FRYL: variants seen among roughly 807,000 people sequenced by gnomAD.
The protein encoded by FRYL is FRY like transcription coactivator.
A neutral mutation model predicts 351.2 loss-of-function variants in FRYL; 150 were observed. The observed-to-expected ratio is 0.43, with a 90% CI of 0.37 to 0.49. The LOEUF (loss-of-function observed/expected upper bound fraction) is 0.49, where lower values mean the gene tolerates loss of function less well. Ranked by LOEUF, FRYL falls within the 20% of genes least tolerant of loss-of-function variation. The pLI, the probability that FRYL is intolerant of heterozygous loss-of-function variation, is 0.00. For missense variants in FRYL, 3,036 were observed against 3,619.3 expected (o/e 0.84, Z 4.13); for synonymous variants, 1,153 against 1,257.1 (o/e 0.92, Z 1.75).
chr4:48,556,895 C>CAACT, intron 35 of FRYL, 83 bp downstream of exon 35: 2 of 1,283,484 alleles, frequency 1.6e-6, no homozygotes, highest in Non-Finnish European at 1.1e-6. Context: ...CTCTCCTGGG[C>CAACT]AACTGCTGCC....
intron 27 of FRYL, among the ~76,000 whole-genome samples, chr4:48,569,646 A>G (rs1327192251): frequency 6.6e-6 from 1 of 152,086 alleles, no homozygotes; most frequent in Admixed American, 6.5e-5. Context: ...AAGTAAATCA[A>G]TGGTTTAAAT....
intron 16 of FRYL, among the ~76,000 whole-genome samples, chr4:48,591,143 G>T (rs768953586): frequency 6.6e-6 from 1 of 151,806 alleles, no homozygotes; most frequent in Non-Finnish European, 1.5e-5. Flanking sequence ...CTAGGCAAAT[G>T]ACTTGTCTTC....
chr4:48,773,386 G>A (rs1775712920), intron 1 of FRYL, among the ~76,000 whole-genome samples: 1 of 152,084 alleles, frequency 6.6e-6, no homozygotes, highest in Non-Finnish European at 1.5e-5. Flanking sequence ...TAACCAGTAA[G>A]GGGCAAATGT....
intron 5 of FRYL, among the ~76,000 whole-genome samples, chr4:48,621,070 G>A (rs1156674330): frequency 1.3e-5 from 2 of 152,102 alleles, no homozygotes; most frequent in Non-Finnish European, 2.9e-5. Flanking sequence ...TAACATCCCT[G>A]ATTAAATACA....
Position 48,522,932 on chromosome 4 carries a change from G to GT in FRYL, c.7489dup (p.Thr2497AsnfsTer15). On this transcript the variant is annotated frameshift_variant, in exon 54 of 64. Coordinates refer to ENST00000358350, the MANE Select transcript of FRYL (RefSeq NM_015030.2). LOFTEE classifies it high-confidence loss of function. The stretch of plus-strand genomic sequence containing the variant: ...TGTGCGTGAGAGTATCTGGCTTGCT[G>GT]TAAGTGCCGCTTCTTCTTCCGAGGA... 6.2e-7 allele frequency: 1 copy of GT among 1,613,976 alleles called. No individual in the cohort carries two copies. The highest frequency in any genetic ancestry group is 8.5e-7 in the Non-Finnish European group (1 of 1,179,874).
intron 35 of FRYL, 39 bp from the exon 36 acceptor site, chr4:48,553,422 GT>G (rs1355110365): frequency 6.8e-7 from 1 of 1,470,564 alleles, no homozygotes; most frequent in African/African-American, 1.4e-5. Context: ...AAAAAGCAAA[GT>G]TTTTATCTCA....
chr4:48,573,152 G>A (rs760393164), intron 26 of FRYL, 34 bp downstream of exon 26: 4 of 1,516,478 alleles, frequency 2.6e-6, no homozygotes. Context: ...AAAAATGAAT[G>A]TTCACTAATA....
chr4:48,536,903 G>A (rs1729018060), intron 47 of FRYL, among the ~76,000 whole-genome samples: 1 of 152,062 alleles, frequency 6.6e-6, no homozygotes, highest in Non-Finnish European at 1.5e-5. Context: ...ACATTATCAT[G>A]GAACAAGCAC....
intron 49 of FRYL, among the ~76,000 whole-genome samples, chr4:48,532,612 G>A (rs186753236): frequency 1.9e-4 from 29 of 152,038 alleles, no homozygotes; most frequent in Non-Finnish European, 3.2e-4. Context: ...AGCCAAGATC[G>A]CACCTCTGCA....
chr4:48,681,076 A>T lies in FRYL; in HGVS notation c.-81+3597T>A, dbSNP rs180789531. ...ACTTTCCTCAGTACTAGTATCCAAA[A>T]CCACATCTCCCGAAAGAATGGGAGG... On this transcript the variant is annotated intron_variant, in intron 3 of 63. Transcript: ENST00000358350. 3.9e-6 allele frequency: 5 copies of T among 1,275,742 alleles called. No homozygotes were observed. In the East Asian group the frequency reaches 2.3e-4, roughly 59 times the overall value. 79.0% of individuals were successfully genotyped at this position (1,275,742 alleles called of 1,614,324 possible).
intron 1 of FRYL, among the ~76,000 whole-genome samples, chr4:48,726,430 C>T (rs1770092953): frequency 6.6e-6 from 1 of 152,054 alleles, no homozygotes; most frequent in Non-Finnish European, 1.5e-5. Flanking sequence ...GCCTGTAATC[C>T]CAGCACTTTG....
intron 1 of FRYL, among the ~76,000 whole-genome samples, chr4:48,779,713 G>A (rs1159168798): frequency 1.3e-5 from 2 of 151,932 alleles, no homozygotes; most frequent in Admixed American, 6.5e-5. Context: ...GCGCGAGAAG[G>A]CGGCGCGCGA....
chr4:48,540,127 T>TA, intron 46 of FRYL, 59 bp from the exon 47 acceptor site: 1 of 1,368,436 alleles, frequency 7.3e-7, no homozygotes, highest in Non-Finnish European at 1.0e-6. Context: ...TTTTAAAAGT[T>TA]AAAGTTATTT....
chr4:48,589,709 T>G (rs1199168254), intron 18 of FRYL, 36 bp downstream of exon 18: 1 of 1,604,936 alleles, frequency 6.2e-7, no homozygotes, highest in African/African-American at 1.3e-5. Context: ...TTAGGAAAAC[T>G]GAAATAGCAA....
chr4:48,670,878 G>A (rs957725378), intron 3 of FRYL, among the ~76,000 whole-genome samples: 4 of 152,052 alleles, frequency 2.6e-5, no homozygotes, highest in African/African-American at 7.3e-5. Flanking sequence ...TCCAAATCTC[G>A]GCTGTTGTGA....
chr4:48,742,040 A>G (rs913272863), intron 1 of FRYL, among the ~76,000 whole-genome samples: 7 of 152,242 alleles, frequency 4.6e-5, no homozygotes, highest in African/African-American at 1.7e-4. Context: ...ATGTATCAAT[A>G]TAGCTTCATT....
intron 3 of FRYL, among the ~76,000 whole-genome samples, chr4:48,675,509 G>A (rs1401411014): frequency 6.6e-6 from 1 of 152,234 alleles, no homozygotes; most frequent in Non-Finnish European, 1.5e-5. Flanking sequence ...AGGGTGTACT[G>A]GGTCCCCCAG....
At chr4:48,544,316 C>A (rs1326136339) in intron 43 of FRYL, among the ~76,000 whole-genome samples, 1 of 152,140 alleles carries the variant, frequency 6.6e-6, no homozygotes, top group Admixed American at 6.5e-5. Flanking sequence ...CCACCAGATA[C>A]CAGTAGTAAC....
intron 1 of FRYL, among the ~76,000 whole-genome samples, chr4:48,751,571 A>T (rs879867516): frequency 3.3e-5 from 5 of 152,178 alleles, no homozygotes; most frequent in Non-Finnish European, 5.9e-5. Context: ...ATAATCCAAG[A>T]GTAAAATGAA....
Sources: allele counts gnomAD v4.1 joint callset (sites outside exome capture counted in the v4.1 genomes callset), GRCh38; gene constraint gnomAD v4.1.1; transcripts MANE v1.5; gene names NCBI Gene and HGNC (gene_info 2026-07-23, HGNC 2026-07-21).